The following NLRC3 variants were observed in gnomAD, a reference collection of about 807,000 sequenced individuals.
NLRC3 encodes the protein NLR family CARD domain-containing protein 3.
A neutral mutation model predicts 91.6 loss-of-function variants in NLRC3; 87 were observed. That is an observed-to-expected ratio of 0.95 (90% CI 0.80 to 1.14). The LOEUF (loss-of-function observed/expected upper bound fraction) is 1.14. Among genes scored for constraint, NLRC3 ranks in the 50% most tolerant of loss-of-function variants. The pLI, the probability that NLRC3 is intolerant of heterozygous loss-of-function variation, is 0.00. For synonymous variants in NLRC3, 694 were observed against 625.3 expected, an observed-to-expected ratio of 1.11 and a Z score of -1.64; for missense variants, 1,577 against 1,418.6, an observed-to-expected ratio of 1.11 and a Z score of -1.79.
intron 1 of NLRC3, among the ~76,000 whole-genome samples, chr16:3,568,824 T>G (rs577577889): frequency 7.9e-5 from 12 of 152,356 alleles, no homozygotes; most frequent in Admixed American, 3.3e-4. Context: ...TCTGTAAAAC[T>G]TTATATTTTT....
intron 1 of NLRC3, among the ~76,000 whole-genome samples, chr16:3,569,285 G>A (rs548294703): frequency 7.0e-6 from 1 of 142,236 alleles, no homozygotes; most frequent in African/African-American, 2.6e-5. Context: ...CTGCACTCCA[G>A]CCGGGGTGAC....
chr16:3,543,206 G>C, intron 17 of NLRC3: 2 of 546,488 alleles, frequency 3.7e-6, no homozygotes, highest in South Asian at 3.9e-5. Flanking sequence ...GCCTCTAGAC[G>C]TGTTCAGCCT....
intron 1 of NLRC3, among the ~76,000 whole-genome samples, chr16:3,567,988 C>G (rs2039950109): frequency 6.6e-6 from 1 of 151,586 alleles, no homozygotes; most frequent in Non-Finnish European, 1.5e-5. Context: ...GCCTCAGCCT[C>G]CCAAGTATCT....
At chr16:3,569,392 A>ATTCT (rs201744035) in intron 1 of NLRC3, among the ~76,000 whole-genome samples, 1 of 55,538 alleles carries the variant, frequency 1.8e-5, no homozygotes, top group African/African-American at 8.3e-5. Context: ...ATATATATAT[A>ATTCT]TATTATTTTT....
chr16:3,573,954 G>T (rs2040190496), intron 1 of NLRC3, among the ~76,000 whole-genome samples: 1 of 147,740 alleles, frequency 6.8e-6, no homozygotes, highest in African/African-American at 2.5e-5. Flanking sequence ...AAGTAGCTGG[G>T]ATTACAGGTA....
intron 6 of NLRC3, among the ~76,000 whole-genome samples, chr16:3,558,205 C>T (rs1346165214): frequency 6.6e-6 from 1 of 152,020 alleles, no homozygotes; most frequent in African/African-American, 2.4e-5. Flanking sequence ...AGTCAGGTGG[C>T]GCACCTGTAG....
At chr16:3,544,717 G>C (rs2038601524) in intron 15 of NLRC3, 1 of 216,822 alleles carries the variant, frequency 4.6e-6, no homozygotes, top group Non-Finnish European at 9.4e-6. Flanking sequence ...TGCCACCCAG[G>C]CTGGAATGCA....
At chr16:3,551,450 C>CTCAT (rs920128105) in intron 10 of NLRC3, among the ~76,000 whole-genome samples, 1 of 150,976 alleles carries the variant, frequency 6.6e-6, no homozygotes, top group Non-Finnish European at 1.5e-5. Context: ...ATCTACTCTA[C>CTCAT]TCATTCATTC....
intron 1 of NLRC3, among the ~76,000 whole-genome samples, chr16:3,569,692 C>G (rs554960624): frequency 6.6e-6 from 1 of 151,968 alleles, no homozygotes; most frequent in African/African-American, 2.4e-5. Flanking sequence ...GCCACCGTGC[C>G]CAGCCCAAAA....
rs2039410548 is a variant in NLRC3 at position 3,557,694 on chromosome 16, G to A, written c.2016-18C>T. 1.9e-6 allele frequency: 3 copies of A among 1,580,162 alleles called. 1 individual carries two copies. The South Asian group carries it at 3.3e-5, about 18-fold the overall frequency. ...CCGCCAAGCTGCCCAAGGAAAGGGA[G>A]AGGAGTGGTTATTTTAGGCATGCAC... is the stretch of plus-strand genomic sequence containing the variant. On this transcript the variant is annotated intron_variant, in intron 6 of 19. Transcript: ENST00000359128.
In NLRC3 at chr16:3,563,167, C is replaced by T; in HGVS notation, c.1770G>A (p.Gly590=). 1 of 1,591,836 alleles carries T rather than the reference C, an allele frequency of 6.3e-7. No homozygotes were observed. Among genetic ancestry groups the T allele is most frequent in the Non-Finnish European group, 8.5e-7 (1 of 1,171,576 alleles). The change falls in exon 5 of 20, where the codon GGG becomes GGA. Residue 590 remains glycine, a synonymous_variant. Transcript: ENST00000359128. ...ARSVEEAMES[G]ALARLTGPAH... ...CGGGACCAGTCAGCCTGGCCAGGGC[C>T]CCGCTCTCCATGGCCTCCTCCACGC...
chr16:3,566,172 A>G (rs895309157), intron 2 of NLRC3, among the ~76,000 whole-genome samples: 26 of 150,492 alleles, frequency 1.7e-4, no homozygotes, highest in African/African-American at 5.6e-4. Context: ...TGATGGCGAC[A>G]TGTCCGTGTA....
intron 2 of NLRC3, 111 bp from the exon 3 acceptor site, chr16:3,565,491 AAAAAAAG>A: frequency 5.5e-6 from 2 of 366,100 alleles, no homozygotes; most frequent in African/African-American, 2.2e-5. Context: ...AAAAAAAAAA[AAAAAAAG>A]GCAGCAGCAG....
rs374508439 is a variant in NLRC3 at position 3,549,756 on chromosome 16, G to T, written c.2460C>A (p.Asp820Glu). 7.1e-6 allele frequency: 11 copies of T among 1,550,948 alleles called. No individual in the cohort carries two copies. The highest frequency in any genetic ancestry group is 9.6e-6 in the Non-Finnish European group (11 of 1,146,780). ...SLDLQSNSIS[D>E]AGVAALMGAL... ...CCCCCATCAGTGCTGCCACTCCTGC[G>T]TCACTGATGGAATTGCTCTGCAGGC... The change falls in exon 12 of 20, where the codon GAC becomes GAA. Residue 820 changes from aspartate to glutamate, a missense_variant. Transcript: ENST00000359128.
At chr16:3,570,732 G>A (rs529483603) in intron 1 of NLRC3, among the ~76,000 whole-genome samples, 1 of 152,284 alleles carries the variant, frequency 6.6e-6, no homozygotes, top group Admixed American at 6.5e-5. Context: ...CAAGTGCTTA[G>A]AGGAAATGTT....
Position 3,548,996 on chromosome 16 carries a change from C to T in NLRC3, c.2603+146G>A, listed in dbSNP as rs549919153. 1.5e-3 allele frequency: 1,038 copies of T among 698,130 alleles called. 1 individual carries two copies. The highest frequency in any genetic ancestry group is 1.5e-3 in the Non-Finnish European group (601 of 397,696). The allele number at this position is 698,130 out of a possible 1,614,324, so 43.2% of individuals were successfully genotyped here. On this transcript the variant is annotated intron_variant, in intron 13 of 19. Transcript: ENST00000359128. ...ACTATGAGAGTGGGGGACTTGCCAC[C>T]CGATGTCAGGTCTCCTGGCTGCACC...
chr16:3,539,075 C>A lies in NLRC3; in HGVS notation c.*2750G>T, dbSNP rs1359966981. ...TTTTATTGGTAGTAGTTATCAAGAA[C>A]AAAGTCCTCGGACTTCTGATGGGAA... is the stretch of plus-strand genomic sequence containing the variant. On this transcript the variant is annotated 3_prime_UTR_variant, in exon 20 of 20. Coordinates refer to ENST00000359128, the MANE Select transcript of NLRC3 (RefSeq NM_178844.4). 2 of 152,206 alleles carry A rather than the reference C, an allele frequency of 1.3e-5. No homozygotes were observed. Among genetic ancestry groups the A allele is most frequent in the Non-Finnish European group, 2.9e-5 (2 of 68,024 alleles). The allele number at this position is 152,206 out of a possible 1,614,324, so 9.4% of individuals were successfully genotyped here.
intron 14 of NLRC3, 80 bp downstream of exon 14, chr16:3,548,590 G>T: frequency 9.4e-7 from 1 of 1,066,318 alleles, no homozygotes; most frequent in Non-Finnish European, 1.4e-6. Flanking sequence ...ACCAGGTGTG[G>T]CCTGTGCATC....
Position 3,548,191 on chromosome 16 carries a change from G to T in NLRC3, c.2715C>A (p.Gly905=). The T allele has an allele frequency of 6.3e-7, 1 of 1,595,116 alleles. No homozygotes were observed. The highest frequency in any genetic ancestry group is 8.5e-7 in the Non-Finnish European group (1 of 1,170,992). ...GTGCTTGTCCCAGGGCCTGGGCAGC[G>T]CCGGCCTGGATGAAGTTCCACTGCA... ...LHLQWNFIQA[G]AAQALGQALQ... is the part of the protein sequence containing the mutation. Residue 905 remains glycine, a synonymous_variant, in exon 15 of 20, where the codon GGC becomes GGA. Transcript: ENST00000359128.
Sources: allele counts gnomAD v4.1 joint callset (sites outside exome capture counted in the v4.1 genomes callset), GRCh38; gene constraint gnomAD v4.1.1; transcripts MANE v1.5; gene names NCBI Gene and HGNC (gene_info 2026-07-23, HGNC 2026-07-21).